Variants in OVOL2 observed in about 807,000 individuals in gnomAD.
The protein encoded by OVOL2 is transcription factor Ovo-like 2.
Under a neutral mutation model 18.1 loss-of-function variants are expected in OVOL2, and 13 were observed. That is an observed-to-expected ratio of 0.72 (90% CI 0.47 to 1.14). The LOEUF (loss-of-function observed/expected upper bound fraction) is 1.14, where lower values mean the gene tolerates loss of function less well. OVOL2 is among the 50% of genes most tolerant of loss of function. OVOL2 has a pLI of 0.00. For missense variants in OVOL2, 335 were observed against 383.0 expected, an observed-to-expected ratio of 0.87 and a Z score of 1.05; for synonymous variants, 166 against 162.7, an observed-to-expected ratio of 1.02 and a Z score of -0.16.
At chr20:18,027,540 A>C (rs980099589) in intron 3 of OVOL2, among the ~76,000 whole-genome samples, 5 of 151,820 alleles carry the variant, frequency 3.3e-5, no homozygotes, top group Admixed American at 1.3e-4. Context: ...AAAAAAAAAA[A>C]AATAAGTAAA....
intron 3 of OVOL2, among the ~76,000 whole-genome samples, chr20:18,028,972 C>T (rs1366267276): frequency 6.6e-6 from 1 of 152,034 alleles, no homozygotes; most frequent in Non-Finnish European, 1.5e-5. Flanking sequence ...AGTCCTAACT[C>T]GCAAGTTTCT....
At position 18,057,480 on chromosome 20, in the gene OVOL2, C is replaced by T; in HGVS notation, c.100+55G>A. On this transcript the variant is annotated intron_variant, in intron 1 of 3. Transcript: ENST00000278780. The surrounding 1 kb of genome is among the most constrained non-coding windows in gnomAD (Gnocchi z 6.3). ...CCGATGAGCAGAGAAGACCCGCCAC[C>T]CCTTCCCCCACCCCGGGAGCCCAGC... is the stretch of plus-strand genomic sequence containing the variant. The T allele has an allele frequency of 6.5e-7, 1 of 1,532,822 alleles. No homozygotes were observed. 95.0% of individuals were successfully genotyped at this position (1,532,822 alleles called of 1,614,324 possible).
chr20:18,054,846 T>C (rs912684315), intron 2 of OVOL2, among the ~76,000 whole-genome samples: 2 of 151,748 alleles, frequency 1.3e-5, no homozygotes, highest in African/African-American at 4.8e-5. Flanking sequence ...CAGCATGCCT[T>C]GGAAAGAACT....
At position 18,056,392 on chromosome 20, in the gene OVOL2, A is replaced by C. The variant is rs2036825080; in HGVS notation, c.321+265T>G. ...CCTTTTCGGCAGTTCCAGAGGCAGCACTCGGCATCAGGCGGGGCCACCGGG... is the reference window on the plus strand; with the variant it reads ...CCTTTTCGGCAGTTCCAGAGGCAGCCCTCGGCATCAGGCGGGGCCACCGGG... On this transcript the variant is annotated intron_variant, in intron 2 of 3. Coordinates refer to ENST00000278780, the MANE Select transcript of OVOL2 (RefSeq NM_021220.4). This position sits in a 1 kb window ranked among gnomAD's most constrained non-coding sequence, Gnocchi z 4.2. Among the ~76,000 whole-genome samples, 2 of 151,930 alleles carry C rather than the reference A, an allele frequency of 1.3e-5. No homozygotes were observed. The highest frequency in any genetic ancestry group is 2.4e-5 in the African/African-American group (1 of 41,302).
At chr20:18,034,473 G>C (rs958690727) in intron 3 of OVOL2, among the ~76,000 whole-genome samples, 6 of 152,102 alleles carry the variant, frequency 3.9e-5, no homozygotes, top group African/African-American at 1.4e-4. Context: ...TAAACCATTT[G>C]ATGGGAAGCC....
intron 2 of OVOL2, among the ~76,000 whole-genome samples, chr20:18,045,027 C>T (rs769903089): frequency 3.3e-5 from 5 of 152,162 alleles, no homozygotes; most frequent in African/African-American, 1.2e-4. Context: ...AAAGGGGGAA[C>T]ATCACAGGGG....
chr20:18,024,370 C>T lies in OVOL2; in HGVS notation c.*266G>A, dbSNP rs941007497. 7.4e-5 allele frequency: 35 copies of T among 469,862 alleles called. No homozygotes were observed. Among genetic ancestry groups the T allele is most frequent in the Middle Eastern group, 6.4e-4 (1 of 1,556 alleles). 29.1% of individuals were successfully genotyped at this position (469,862 alleles called of 1,614,324 possible). A position where few individuals can be genotyped will look rare whatever the true frequency, so the allele number is the denominator to read the frequency against. Reference sequence around the variant, plus strand: ...CCTTGGGGGAAAAAAAAATCCCACACGGTGTTCTTGGCCATCAGGATCATG... The same window carrying T: ...CCTTGGGGGAAAAAAAAATCCCACATGGTGTTCTTGGCCATCAGGATCATG... On this transcript the variant is annotated 3_prime_UTR_variant, in exon 4 of 4. Transcript: ENST00000278780.
At position 18,057,737 on chromosome 20, in the gene OVOL2, C is replaced by A; in HGVS notation, c.-103G>T. ...CCGGCTCCCGGCGGCCAGAGCCCAC[C>A]TTCCCGCCTCGCCTGCCCTCTTCCT... On this transcript the variant is annotated 5_prime_UTR_variant, in exon 1 of 4. In the 5' UTR this introduces an upstream ATG that the reference lacks. Coordinates refer to ENST00000278780, the MANE Select transcript of OVOL2 (RefSeq NM_021220.4). The surrounding 1 kb of genome is among the most constrained non-coding windows in gnomAD (Gnocchi z 6.3). 2 of 1,446,654 alleles carry A rather than the reference C, an allele frequency of 1.4e-6. No individual in the cohort carries two copies. Among genetic ancestry groups the A allele is most frequent in the Non-Finnish European group, 1.8e-6 (2 of 1,104,128 alleles). 89.6% of individuals were successfully genotyped at this position (1,446,654 alleles called of 1,614,324 possible).
At chr20:18,047,441 C>T (rs1353954530) in intron 2 of OVOL2, among the ~76,000 whole-genome samples, 1 of 149,488 alleles carries the variant, frequency 6.7e-6, no homozygotes, top group Admixed American at 6.6e-5. Flanking sequence ...ACCCGGGAGG[C>T]GGAGGTTGCA....
Position 18,034,145 on chromosome 20 carries a change from G to A in OVOL2, c.511+7389C>T, listed in dbSNP as rs1380266355. On this transcript the variant is annotated intron_variant, in intron 3 of 3. Coordinates refer to ENST00000278780, the MANE Select transcript of OVOL2 (RefSeq NM_021220.4). ...GCTTCCCATCCAGACCGCTTTTCTG[G>A]GTCAGTGCATGTCCCCAGCTGTCGT... 6.6e-5 allele frequency among the ~76,000 whole-genome samples: 10 copies of A among 152,100 alleles called. No homozygotes were observed. The East Asian group carries it at 1.5e-3, about 24-fold the overall frequency.
rs555102720 is a variant in OVOL2 at position 18,041,903 on chromosome 20, CT to C, written c.322-181del. On this transcript the variant is annotated intron_variant, in intron 2 of 3. Coordinates refer to ENST00000278780, the MANE Select transcript of OVOL2 (RefSeq NM_021220.4). ...GTAACAACTGGCAGTTCCTCCCACC[CT>C]TTTTTTTTTTTTTTTTTCTTTTTGA... is the stretch of plus-strand genomic sequence containing the variant. Among the ~76,000 whole-genome samples, 563 of 128,050 alleles carry C rather than the reference CT, an allele frequency of 4.4e-3. 5 individuals are homozygous for C. The highest frequency in any genetic ancestry group is 9.3e-3 in the African/African-American group (323 of 34,546). 84.0% of individuals were successfully genotyped at this position (128,050 alleles called of 152,430 possible).
intron 3 of OVOL2, among the ~76,000 whole-genome samples, chr20:18,041,146 C>T (rs2122709179): frequency 6.6e-6 from 1 of 152,018 alleles, no homozygotes; most frequent in East Asian, 1.9e-4. Context: ...CCTAACGCCC[C>T]ATCATCTTGT....
chr20:18,033,532 CTTTTTATATTGTCT>C (rs1177432200), intron 3 of OVOL2, among the ~76,000 whole-genome samples: 5 of 152,230 alleles, frequency 3.3e-5, no homozygotes, highest in African/African-American at 7.2e-5. Flanking sequence ...TTCTCTGCAG[CTTTTTATATTGTCT>C]GAAATCTTTT....
chr20:18,051,847 C>T (rs1330799667), intron 2 of OVOL2, among the ~76,000 whole-genome samples: 1 of 152,170 alleles, frequency 6.6e-6, no homozygotes, highest in Non-Finnish European at 1.5e-5. Context: ...ATTCTCCTGC[C>T]TCAGCATCCT....
At chr20:18,055,087 G>A (rs75452705) in intron 2 of OVOL2, among the ~76,000 whole-genome samples, 23,000 of 151,860 alleles carry the variant, frequency 0.15, 2,107 homozygotes, top group African/African-American at 0.23. Context: ...TGTGCCTCCC[G>A]CCCCCCTTCC....
chr20:18,057,505 C>A lies in OVOL2; in HGVS notation c.100+30G>T, dbSNP rs373308940. On this transcript the variant is annotated intron_variant, in intron 1 of 3. Transcript: ENST00000278780. The surrounding 1 kb of genome is among the most constrained non-coding windows in gnomAD (Gnocchi z 6.3). ...CCCTTCCCCCACCCCGGGAGCCCAGCGCCCAGGCCCGGCCCCCGCGCGCGC... is the reference window on the plus strand; with the variant it reads ...CCCTTCCCCCACCCCGGGAGCCCAGAGCCCAGGCCCGGCCCCCGCGCGCGC... 3.9e-6 allele frequency: 6 copies of A among 1,549,806 alleles called. No individual in the cohort carries two copies. Among genetic ancestry groups the A allele is most frequent in the Non-Finnish European group, 5.2e-6 (6 of 1,146,622 alleles).
chr20:18,037,041 CAGG>C (rs905008142), intron 3 of OVOL2, among the ~76,000 whole-genome samples: 3 of 149,600 alleles, frequency 2.0e-5, no homozygotes, highest in Admixed American at 6.7e-5. Flanking sequence ...GAGGCTGAGG[CAGG>C]AGACTGGCGT....
chr20:18,033,399 G>A (rs964457538), intron 3 of OVOL2, among the ~76,000 whole-genome samples: 9 of 152,192 alleles, frequency 5.9e-5, no homozygotes, highest in Non-Finnish European at 1.3e-4. Flanking sequence ...AGCCAGCGTT[G>A]TTAAGTTATA....
At position 18,024,925 on chromosome 20, in the gene OVOL2, CA is replaced by C; in HGVS notation, c.538del (p.Cys180AlafsTer15). The C allele has an allele frequency of 1.2e-6, 2 of 1,612,830 alleles. No individual in the cohort carries two copies. The highest frequency in any genetic ancestry group is 1.7e-6 in the Non-Finnish European group (2 of 1,178,912). ...TGIRPYKCNV[C>X]NKAFTQRCSL... Reference sequence around the variant, plus strand: ...GCAGCGCTGGGTGAAGGCTTTATTGCAGACGTTGCATTTGTAGGGACGAATG... The same window carrying C: ...GCAGCGCTGGGTGAAGGCTTTATTGCGACGTTGCATTTGTAGGGACGAATG... On this transcript the variant is annotated frameshift_variant, in exon 4 of 4. Transcript: ENST00000278780. LOFTEE classifies it high-confidence loss of function.
Sources: gnomAD v4.1 joint callset for allele counts (sites outside exome capture counted in the v4.1 genomes callset) on GRCh38, gnomAD v4.1.1 for gene constraint, Gnocchi (gnomAD v3.1) non-coding constraint, MANE v1.5 for transcripts, NCBI Gene and HGNC (gene_info 2026-07-23, HGNC 2026-07-21) for gene names.